Variants in GUCY2C observed in about 807,000 individuals in gnomAD.
The protein encoded by GUCY2C is guanylyl cyclase C.
Under a neutral mutation model 131.1 loss-of-function variants are expected in GUCY2C, and 118 were observed. The ratio of observed to expected loss-of-function variants is 0.90; its 90% CI spans 0.78 to 1.05. The LOEUF is 1.05. Among genes scored for constraint, GUCY2C ranks in the 50% least tolerant of loss-of-function variants. The pLI is 0.00. For synonymous variants in GUCY2C, 452 were observed against 457.8 expected (o/e 0.99, Z 0.16); for missense variants, 1,161 against 1,304.4 (o/e 0.89, Z 1.69).
At chr12:14,653,242 T>G (rs1358936625) in intron 12 of GUCY2C, among the ~76,000 whole-genome samples, 11 of 152,228 alleles carry the variant, frequency 7.2e-5, no homozygotes, top group Admixed American at 7.2e-4. Context: ...GCTATGGGTT[T>G]CCTCCCTTCC....
intron 10 of GUCY2C, 37 bp downstream of exon 10, chr12:14,669,685 A>C (rs370214350): frequency 7.0e-6 from 7 of 994,436 alleles, no homozygotes; most frequent in Middle Eastern, 2.1e-4. Context: ...CCAGGAAAAC[A>C]GTGTCAGGGA....
intron 25 of GUCY2C, 66 bp downstream of exon 25, chr12:14,616,567 C>A (rs1946766770): frequency 1.1e-6 from 1 of 877,242 alleles, no homozygotes; most frequent in Admixed American, 1.7e-5. Context: ...CTGGCCAAGT[C>A]TCAAAGGAGG....
chr12:14,687,255 A>T (rs986241185), intron 2 of GUCY2C, among the ~76,000 whole-genome samples: 1 of 152,202 alleles, frequency 6.6e-6, no homozygotes, highest in Non-Finnish European at 1.5e-5. Context: ...ATATGTTTTT[A>T]AACATGATTT....
intron 19 of GUCY2C, among the ~76,000 whole-genome samples, chr12:14,632,689 A>C (rs371808621): frequency 2.6e-5 from 4 of 152,320 alleles, no homozygotes; most frequent in Admixed American, 6.5e-5. Flanking sequence ...ACCCCTGCCT[A>C]CTGAAGCCAG....
At chr12:14,670,459 C>G (rs756461674) in intron 9 of GUCY2C, among the ~76,000 whole-genome samples, 7 of 152,000 alleles carry the variant, frequency 4.6e-5, no homozygotes, top group Non-Finnish European at 7.4e-5. Context: ...ATTAATATAT[C>G]CTTAAATTAC....
intron 6 of GUCY2C, among the ~76,000 whole-genome samples, chr12:14,677,601 A>C (rs992659298): frequency 1.3e-5 from 2 of 151,472 alleles, no homozygotes; most frequent in African/African-American, 2.4e-5. Context: ...ACAGAGTTTC[A>C]CTCTCATTTC....
chr12:14,689,443 A>C (rs796419584), intron 1 of GUCY2C, among the ~76,000 whole-genome samples: 2 of 152,134 alleles, frequency 1.3e-5, no homozygotes, highest in African/African-American at 4.8e-5. Flanking sequence ...GTTGAAATAC[A>C]CCCATCAGAA....
chr12:14,675,283 A>T (rs12307221), intron 7 of GUCY2C, among the ~76,000 whole-genome samples: 19,572 of 149,056 alleles, frequency 0.13, 1,582 homozygotes, highest in Admixed American at 0.23. Context: ...AGTGTTCTTT[A>T]TGATCCCATG....
At position 14,683,115 on chromosome 12, in the gene GUCY2C, G is replaced by C; in HGVS notation, c.538C>G (p.Leu180Val). ...CTCCAGGAATAAGTTTTGAAGGGCA[G>C]ATCGTTGGTTTTCCAAAAGTTAACC... ...FLVNFWKTNDLPFKTYSWSTS... is the reference protein window; with the variant it reads ...FLVNFWKTNDVPFKTYSWSTS... The change falls in exon 4 of 27, where the codon CTG becomes GTG. Residue 180 changes from leucine (L) to valine (V), a missense_variant. By Grantham distance (32) the Leu-to-Val change is conservative. Transcript: ENST00000261170. 1 of 1,613,610 alleles carries C rather than the reference G, an allele frequency of 6.2e-7. No individual in the cohort carries two copies.
intron 19 of GUCY2C, among the ~76,000 whole-genome samples, chr12:14,631,763 G>C (rs1303701169): frequency 6.7e-6 from 1 of 149,188 alleles, no homozygotes; most frequent in Non-Finnish European, 1.5e-5. Flanking sequence ...GGATGGCTGG[G>C]TCAAATGGTA....
chr12:14,612,857 A>G lies in GUCY2C; in HGVS notation c.*260T>C. 2.6e-6 allele frequency: 1 copy of G among 380,476 alleles called. No individual in the cohort carries two copies. The highest frequency in any genetic ancestry group is 4.7e-6 in the Non-Finnish European group (1 of 211,656). The allele number at this position is 380,476 out of a possible 1,614,324, so 23.6% of individuals were successfully genotyped here. A position where few individuals can be genotyped will look rare whatever the true frequency, so the allele number is the denominator to read the frequency against. On this transcript the variant is annotated 3_prime_UTR_variant, in exon 27 of 27. Transcript: ENST00000261170. ...AATCTTCTCAAGTTCTAGATAGTCT[A>G]TTCATTTCTTTTCTTTTCCAGGTAG...
At position 14,691,645 on chromosome 12, in the gene GUCY2C, A is replaced by G. The variant is rs74068102; in HGVS notation, c.218-3582T>C. Reference sequence around the variant, plus strand: ...CTCTATGAGGGCTTTGTTCTGTCCTACCACCATGAGGGACAGTGAAAATGA... The same window carrying G: ...CTCTATGAGGGCTTTGTTCTGTCCTGCCACCATGAGGGACAGTGAAAATGA... On this transcript the variant is annotated intron_variant, in intron 1 of 26. Transcript: ENST00000261170. 9.6e-3 allele frequency among the ~76,000 whole-genome samples: 1,466 copies of G among 152,208 alleles called. 12 individuals carry two copies. Among genetic ancestry groups the G allele is most frequent in the African/African-American group, 0.032 (1,321 of 41,528 alleles).
In GUCY2C at chr12:14,619,504, C is replaced by T. The variant is rs781645596; in HGVS notation, c.2777-195G>A. On this transcript the variant is annotated intron_variant, in intron 23 of 26. Transcript: ENST00000261170. ...ATGAAGCATCATTATTCAATGCATG[C>T]GATCATAAAGTATTTTGCTCTCGCA... The T allele has an allele frequency of 2.8e-5, 14 of 504,196 alleles. No individual in the cohort carries two copies. The East Asian group carries it at 3.7e-4, about 13-fold the overall frequency. 31.2% of individuals were successfully genotyped at this position (504,196 alleles called of 1,614,324 possible).
chr12:14,645,664 G>T (rs560608075), intron 15 of GUCY2C, among the ~76,000 whole-genome samples: 1 of 152,170 alleles, frequency 6.6e-6, no homozygotes, highest in African/African-American at 2.4e-5. Flanking sequence ...TTTAAAACAG[G>T]CAATTGCTAT....
chr12:14,622,391 A>G (rs1448334680), intron 21 of GUCY2C, among the ~76,000 whole-genome samples, 194 bp from the exon 22 acceptor site: 1 of 152,246 alleles, frequency 6.6e-6, no homozygotes, highest in Non-Finnish European at 1.5e-5. Context: ...CATATAATGC[A>G]TGTTGTGAAC....
intron 19 of GUCY2C, among the ~76,000 whole-genome samples, chr12:14,634,099 G>A (rs1238617322): frequency 2.6e-5 from 4 of 152,128 alleles, no homozygotes; most frequent in Non-Finnish European, 4.4e-5. Flanking sequence ...TAGTCAAATT[G>A]TCAAAAGTTA....
intron 1 of GUCY2C, among the ~76,000 whole-genome samples, chr12:14,689,192 C>T (rs1006019683): frequency 6.6e-6 from 1 of 151,978 alleles, no homozygotes. Context: ...AAAATGGTTG[C>T]ATTTAGGATG....
chr12:14,617,571 A>G (rs1469099655), intron 24 of GUCY2C, among the ~76,000 whole-genome samples: 1 of 152,144 alleles, frequency 6.6e-6, no homozygotes, highest in Non-Finnish European at 1.5e-5. Flanking sequence ...GATTTTCTCA[A>G]ATTTCCTTCT....
chr12:14,661,152 G>GA, intron 10 of GUCY2C, 90 bp from the exon 11 acceptor site: 1 of 815,604 alleles, frequency 1.2e-6, no homozygotes, highest in Non-Finnish European at 2.1e-6. Flanking sequence ...TTGGGGAAGG[G>GA]AAAAGAGAAC....
Sources: gnomAD v4.1 joint callset for allele counts (sites outside exome capture counted in the v4.1 genomes callset) on GRCh38, gnomAD v4.1.1 for gene constraint, MANE v1.5 for transcripts, NCBI Gene and HGNC (gene_info 2026-07-23, HGNC 2026-07-21) for gene names.